CDK19: variants seen among roughly 807,000 people sequenced by gnomAD.
The protein encoded by CDK19 is cyclin dependent kinase 19.
CDK19 carries 20 observed loss-of-function variants against 68.3 expected under a neutral mutation model. That is an observed-to-expected ratio of 0.29 (90% CI 0.21 to 0.43). The LOEUF (loss-of-function observed/expected upper bound fraction) is 0.43, where lower values mean the gene tolerates loss of function less well. Ranked by LOEUF, CDK19 falls within the 20% of genes least tolerant of loss-of-function variation. The probability of loss-of-function intolerance (pLI) is 1.00; values close to 1 mark genes in which losing one functional copy is unlikely to be tolerated. For synonymous variants in CDK19, 221 were observed against 222.8 expected (o/e 0.99, Z 0.07); for missense variants, 339 against 623.5 (o/e 0.54, Z 4.86).
intron 1 of CDK19, among the ~76,000 whole-genome samples, chr6:110,772,592 C>T (rs997815960): frequency 6.6e-6 from 1 of 152,190 alleles, no homozygotes; most frequent in Non-Finnish European, 1.5e-5. Flanking sequence ...ACATTACTAA[C>T]TTTATGTCTA....
intron 1 of CDK19, among the ~76,000 whole-genome samples, chr6:110,798,914 A>C (rs1263335184): frequency 6.6e-6 from 1 of 151,712 alleles, no homozygotes; most frequent in Non-Finnish European, 1.5e-5. Context: ...AGGCTCAGGC[A>C]GGCAGATCAC....
At chr6:110,685,177 C>A (rs548295284) in intron 2 of CDK19, among the ~76,000 whole-genome samples, 1 of 152,150 alleles carries the variant, frequency 6.6e-6, no homozygotes, top group Non-Finnish European at 1.5e-5. Context: ...AGTGTTCACT[C>A]ACCAAGTGCT....
At chr6:110,694,496 G>A (rs1333785754) in intron 2 of CDK19, among the ~76,000 whole-genome samples, 1 of 152,026 alleles carries the variant, frequency 6.6e-6, no homozygotes, top group Non-Finnish European at 1.5e-5. Flanking sequence ...TAACACTGGA[G>A]CTCCCAAATT....
In CDK19 at chr6:110,794,249, T is replaced by G. The variant is rs552035725; in HGVS notation, c.128+20760A>C. Among the ~76,000 whole-genome samples, 13 of 151,642 alleles carry G rather than the reference T, an allele frequency of 8.6e-5. No individual in the cohort carries two copies. The South Asian group carries it at 2.1e-3, about 24-fold the overall frequency. On this transcript the variant is annotated intron_variant, in intron 1 of 12. Transcript: ENST00000368911. ...TTAGTAGAGATGGGTTTTCACCATA[T>G]TTGGTCAGGCTGGTCTCGAACTCCT...
intron 2 of CDK19, among the ~76,000 whole-genome samples, chr6:110,700,087 A>T (rs1773864066): frequency 6.6e-6 from 1 of 152,114 alleles, no homozygotes; most frequent in African/African-American, 2.4e-5. Flanking sequence ...AGGACCACGA[A>T]CCCCATTATG....
chr6:110,787,501 C>T (rs565722939), intron 1 of CDK19, among the ~76,000 whole-genome samples: 74 of 152,112 alleles, frequency 4.9e-4, no homozygotes, highest in African/African-American at 1.8e-3. Context: ...GGCTGGAGTG[C>T]AGTGGAACAA....
At chr6:110,742,432 C>G (rs1019749867) in intron 2 of CDK19, among the ~76,000 whole-genome samples, 3 of 152,140 alleles carry the variant, frequency 2.0e-5, no homozygotes, top group Admixed American at 2.0e-4. Flanking sequence ...GAAATCAGTG[C>G]ACCCTGAAAA....
At chr6:110,706,999 T>TAAAAAAAAA in intron 2 of CDK19, 1 of 132,192 alleles carries the variant, frequency 7.6e-6, no homozygotes, top group Non-Finnish European at 1.6e-5. Context: ...CTTTTACAGT[T>TAAAAAAAAA]AAAAAAAAAA....
chr6:110,734,540 T>C (rs1318048799), intron 2 of CDK19, among the ~76,000 whole-genome samples: 3 of 149,018 alleles, frequency 2.0e-5, no homozygotes, highest in Non-Finnish European at 3.0e-5. Context: ...TCTCTCTCTC[T>C]CTCTCTCTCT....
chr6:110,796,957 C>T (rs1426797754), intron 1 of CDK19, among the ~76,000 whole-genome samples: 4 of 150,506 alleles, frequency 2.7e-5, no homozygotes, highest in Non-Finnish European at 5.9e-5. Flanking sequence ...TTGCAGTGAG[C>T]CAAGATTGTG....
intron 8 of CDK19, 97 bp downstream of exon 8, chr6:110,626,679 C>T (rs1779109820): frequency 1.4e-6 from 1 of 735,322 alleles, no homozygotes; most frequent in Admixed American, 2.6e-5. Context: ...GCCTCAAGGA[C>T]TGGGAGAAAA....
chr6:110,808,863 T>C (rs1425580535), intron 1 of CDK19, among the ~76,000 whole-genome samples: 1 of 152,030 alleles, frequency 6.6e-6, no homozygotes, highest in African/African-American at 2.4e-5. Context: ...AGAGAAAATA[T>C]TTATTTCTCA....
rs1181367663 is a variant in CDK19, at chr6:110,612,113, A to G, written c.*2422T>C. 1 of 152,206 alleles carries G rather than the reference A, an allele frequency of 6.6e-6. No individual in the cohort carries two copies. Among genetic ancestry groups the G allele is most frequent in the African/African-American group, 2.4e-5 (1 of 41,454 alleles). 9.4% of individuals were successfully genotyped at this position (152,206 alleles called of 1,614,324 possible). A position where few individuals can be genotyped will look rare whatever the true frequency, so the allele number is the denominator to read the frequency against. On this transcript the variant is annotated 3_prime_UTR_variant, in exon 13 of 13. Transcript: ENST00000368911. ...AGAACTATTTAACAATGCTGCTTAT[A>G]AAGTATTAAGGGGCATAGTATTTTG...
intron 4 of CDK19, among the ~76,000 whole-genome samples, chr6:110,650,994 A>G (rs1218565056): frequency 6.6e-6 from 1 of 152,090 alleles, no homozygotes; most frequent in Admixed American, 6.6e-5. Context: ...AGTGGTTAGG[A>G]AAAACTTGGG....
At chr6:110,782,521 C>T (rs560919529) in intron 1 of CDK19, among the ~76,000 whole-genome samples, 2 of 152,316 alleles carry the variant, frequency 1.3e-5, no homozygotes, top group South Asian at 4.1e-4. Context: ...AACCACACTG[C>T]TGCAAAACTG....
At chr6:110,635,670 G>A (rs1318244355) in intron 5 of CDK19, among the ~76,000 whole-genome samples, 1 of 152,148 alleles carries the variant, frequency 6.6e-6, no homozygotes, top group Non-Finnish European at 1.5e-5. Context: ...CTCCCGAGTA[G>A]CTGGGATTAC....
intron 1 of CDK19, among the ~76,000 whole-genome samples, chr6:110,786,132 T>C (rs1279117631): frequency 2.6e-5 from 4 of 152,174 alleles, no homozygotes; most frequent in Non-Finnish European, 5.9e-5. Context: ...GAAGAGGAGA[T>C]GTTGTAAAAG....
At chr6:110,814,934 C>T (rs2115184550) in intron 1 of CDK19, 75 bp downstream of exon 1, 2 of 1,583,734 alleles carry the variant, frequency 1.3e-6, no homozygotes, top group Non-Finnish European at 1.7e-6. Context: ...GACTGGGATC[C>T]GACCCACCCA....
chr6:110,616,795 T>C (rs529668897), intron 12 of CDK19, among the ~76,000 whole-genome samples: 11 of 152,222 alleles, frequency 7.2e-5, no homozygotes, highest in Admixed American at 2.6e-4. Context: ...TTGAAGTTTA[T>C]TATGAAAAAT....
Sources: allele counts gnomAD v4.1 joint callset (sites outside exome capture counted in the v4.1 genomes callset), GRCh38; gene constraint gnomAD v4.1.1; transcripts MANE v1.5; gene names NCBI Gene and HGNC (gene_info 2026-07-23, HGNC 2026-07-21).